The following MAML3 variants were observed in gnomAD, a reference collection of about 807,000 sequenced individuals.
MAML3 encodes the protein mastermind-like protein 3.
Under a neutral mutation model 101.9 loss-of-function variants are expected in MAML3, and 27 were observed. The observed-to-expected ratio is 0.27, with a 90% CI of 0.20 to 0.37. The LOEUF (loss-of-function observed/expected upper bound fraction) is 0.37. Ranked by LOEUF, MAML3 falls within the 10% of genes least tolerant of loss-of-function variation. The pLI, the probability that MAML3 is intolerant of heterozygous loss-of-function variation, is 1.00. For missense variants in MAML3, 1,316 were observed against 1,444.9 expected, an observed-to-expected ratio of 0.91 and a Z score of 1.45; for synonymous variants, 501 against 555.9, an observed-to-expected ratio of 0.90 and a Z score of 1.39.
intron 1 of MAML3, among the ~76,000 whole-genome samples, chr4:140,077,106 T>A (rs142314432): frequency 0.017 from 2,511 of 152,140 alleles, 63 homozygotes; most frequent in African/African-American, 0.056. Context: ...GGTCTTGAAC[T>A]CCTGACCTCA....
In MAML3 at chr4:139,798,034, GAGAAAGAAAGAAAGAAAGAAAGAAAGAA is replaced by G. The variant is rs60781175; in HGVS notation, c.2080-67395_2080-67368del. Among the ~76,000 whole-genome samples the G allele has an allele frequency of 5.3e-3, 655 of 124,580 alleles. 5 individuals carry two copies. Among genetic ancestry groups the G allele is most frequent in the African/African-American group, 0.016 (519 of 32,992 alleles). The allele number at this position is 124,580 out of a possible 152,430, so 81.7% of individuals were successfully genotyped here. A position where few individuals can be genotyped will look rare whatever the true frequency, so the allele number is the denominator to read the frequency against. On this transcript the variant is annotated intron_variant, in intron 2 of 4. Coordinates refer to ENST00000509479, the MANE Select transcript of MAML3 (RefSeq NM_018717.5). The stretch of plus-strand genomic sequence containing the variant: ...AAAGGAAGGAAAGAAAGGAGAGAGA[GAGAAAGAAAGAAAGAAAGAAAGAAAGAA>G]AGAAAGAAAGAAAGAAAGAAAGAAA...
Position 139,885,932 on chromosome 4 carries a change from C to CAAAAAAAAAAAAAAAAAAAAAAA in MAML3, c.2079+3402_2079+3424dup, listed in dbSNP as rs1182443191. On this transcript the variant is annotated intron_variant, in intron 2 of 4. Coordinates refer to ENST00000509479, the MANE Select transcript of MAML3 (RefSeq NM_018717.5). ...TGGGCGACAGGGCAAGACTCCGTCT[C>CAAAAAAAAAAAAAAAAAAAAAAA]AAAAAAAAAAAAAAAAAAAAAAAAA... Among the ~76,000 whole-genome samples, 6 of 20,302 alleles carry CAAAAAAAAAAAAAAAAAAAAAAA rather than the reference C, an allele frequency of 3.0e-4. 1 individual carries two copies. The highest frequency in any genetic ancestry group is 0.011 in the East Asian group (2 of 180). The allele number at this position is 20,302 out of a possible 152,430, so 13.3% of individuals were successfully genotyped here.
At chr4:139,996,568 AT>A (rs1220615889) in intron 1 of MAML3, among the ~76,000 whole-genome samples, 5 of 152,084 alleles carry the variant, frequency 3.3e-5, no homozygotes, top group Admixed American at 6.6e-5. Flanking sequence ...CTTAAAATAT[AT>A]TTTTGTTGAT....
At chr4:139,960,261 G>T (rs1733987776) in intron 1 of MAML3, among the ~76,000 whole-genome samples, 1 of 152,206 alleles carries the variant, frequency 6.6e-6, no homozygotes, top group Non-Finnish European at 1.5e-5. Flanking sequence ...ATTTCATTGT[G>T]TCAAAGAAGG....
intron 3 of MAML3, among the ~76,000 whole-genome samples, chr4:139,726,764 G>T (rs1237554402): frequency 2.6e-5 from 4 of 152,194 alleles, no homozygotes; most frequent in African/African-American, 9.6e-5. Flanking sequence ...CTGCATATTA[G>T]TCTTTCTTCT....
intron 3 of MAML3, among the ~76,000 whole-genome samples, chr4:139,726,509 A>T (rs1728478692): frequency 6.6e-6 from 1 of 152,182 alleles, no homozygotes; most frequent in Non-Finnish European, 1.5e-5. Context: ...GCCCAACATC[A>T]GCCTGCATGC....
intron 2 of MAML3, among the ~76,000 whole-genome samples, chr4:139,757,724 G>A (rs1422681948): frequency 1.3e-5 from 2 of 151,536 alleles, no homozygotes; most frequent in Non-Finnish European, 2.9e-5. Context: ...ATCTGTTGAG[G>A]GCCACCATGC....
chr4:139,775,441 C>G (rs894621218), intron 2 of MAML3, among the ~76,000 whole-genome samples: 2 of 152,024 alleles, frequency 1.3e-5, no homozygotes, highest in African/African-American at 4.8e-5. Flanking sequence ...CTGGCCCTTG[C>G]GGTCTAGATT....
intron 1 of MAML3, among the ~76,000 whole-genome samples, chr4:140,072,094 A>T (rs1727666641): frequency 6.6e-6 from 1 of 152,182 alleles, no homozygotes; most frequent in Non-Finnish European, 1.5e-5. Context: ...CTCCCTCAAC[A>T]GTATTAAAAG....
Position 139,890,413 on chromosome 4 carries a change from G to A in MAML3, c.1023C>T (p.Phe341=), listed in dbSNP as rs61736201. ...EDFEEKKEPE[F]SQPATETPLS... ...GAGGGGTCTCAGTTGCTGGCTGCGA[G>A]AATTCTGGCTCCTTCTTCTCTTCAA... The change falls in exon 2 of 5, where the codon TTC becomes TTT. Residue 341 remains phenylalanine, a synonymous_variant. Coordinates refer to ENST00000509479, the MANE Select transcript of MAML3 (RefSeq NM_018717.5). This position sits in a 1 kb window ranked among gnomAD's most constrained non-coding sequence, Gnocchi z 4.1. The A allele has an allele frequency of 3.0e-3, 4,776 of 1,605,818 alleles. 135 individuals are homozygous for A. The African/African-American group carries it at 0.055, about 19-fold the overall frequency.
In MAML3 at chr4:140,098,379, T is replaced by C. The variant is rs139924585; in HGVS notation, c.468+54481A>G. On this transcript the variant is annotated intron_variant, in intron 1 of 4. Transcript: ENST00000509479. The stretch of plus-strand genomic sequence containing the variant: ...TTTTTTATGAAGATTAAGTGAAATA[T>C]CAGCTGGCAAGCACTTAACAGAAGC... 2.9e-4 allele frequency among the ~76,000 whole-genome samples: 44 copies of C among 152,338 alleles called. No individual in the cohort carries two copies. In the East Asian group the frequency reaches 7.5e-3, roughly 26 times the overall value.
chr4:139,921,350 A>G (rs779610799), intron 1 of MAML3, among the ~76,000 whole-genome samples: 1 of 152,068 alleles, frequency 6.6e-6, no homozygotes, highest in South Asian at 2.1e-4. Flanking sequence ...TTTACAAACT[A>G]TAGTTTTCAG....
At position 140,105,854 on chromosome 4, in the gene MAML3, T is replaced by C. The variant is rs112178797; in HGVS notation, c.468+47006A>G. Among the ~76,000 whole-genome samples the C allele has an allele frequency of 6.3e-3, 959 of 152,218 alleles. 12 individuals are homozygous for C. Among genetic ancestry groups the C allele is most frequent in the Middle Eastern group, 0.017 (5 of 294 alleles). On this transcript the variant is annotated intron_variant, in intron 1 of 4. Coordinates refer to ENST00000509479, the MANE Select transcript of MAML3 (RefSeq NM_018717.5). Reference sequence around the variant, plus strand: ...GGATCCTGGTGTGCAAATCACCTGATGAAATAACTAGGAGAAAACATTTCT... The same window carrying C: ...GGATCCTGGTGTGCAAATCACCTGACGAAATAACTAGGAGAAAACATTTCT...
At chr4:140,124,367 T>C (rs1728653907) in intron 1 of MAML3, among the ~76,000 whole-genome samples, 1 of 152,210 alleles carries the variant, frequency 6.6e-6, no homozygotes, top group Admixed American at 6.5e-5. Flanking sequence ...CCATACTGAC[T>C]TATTTCGTGG....
chr4:140,152,805 A>T, intron 1 of MAML3, 55 bp downstream of exon 1: 5 of 1,515,822 alleles, frequency 3.3e-6, no homozygotes, highest in Non-Finnish European at 4.4e-6. Context: ...CGCGCCCCCC[A>T]CCACCACCAC....
chr4:140,089,436 A>G (rs1399130183), intron 1 of MAML3, among the ~76,000 whole-genome samples: 1 of 152,138 alleles, frequency 6.6e-6, no homozygotes, highest in African/African-American at 2.4e-5. Flanking sequence ...TCTTTCTTTC[A>G]TTAGTTTCAT....
At position 140,088,870 on chromosome 4, in the gene MAML3, T is replaced by C. The variant is rs180803689; in HGVS notation, c.468+63990A>G. ...AAGCTGAGTAAAATCAGTATCTTAA[T>C]TGTATCTCCCACAGTTCGGTGCTTT... On this transcript the variant is annotated intron_variant, in intron 1 of 4. Transcript: ENST00000509479. Among the ~76,000 whole-genome samples the C allele has an allele frequency of 4.3e-4, 65 of 152,358 alleles. No homozygotes were observed. In the South Asian group the frequency reaches 6.4e-3, roughly 15 times the overall value.
intron 2 of MAML3, among the ~76,000 whole-genome samples, chr4:139,804,650 TA>T (rs1481680847): frequency 6.6e-6 from 1 of 152,214 alleles, no homozygotes; most frequent in African/African-American, 2.4e-5. Context: ...GCTTATACTC[TA>T]AAATTCTATC....
At chr4:139,866,566 AC>A (rs1731902849) in intron 2 of MAML3, among the ~76,000 whole-genome samples, 1 of 152,110 alleles carries the variant, frequency 6.6e-6, no homozygotes. Flanking sequence ...CCTGGGTCAG[AC>A]CCCGCCCAAG....
Sources: allele counts gnomAD v4.1 joint callset (sites outside exome capture counted in the v4.1 genomes callset), GRCh38; gene constraint gnomAD v4.1.1; non-coding constraint Gnocchi (gnomAD v3.1); transcripts MANE v1.5; gene names NCBI Gene and HGNC (gene_info 2026-07-23, HGNC 2026-07-21).